Variants in CHD1L observed in about 807,000 individuals in gnomAD.
CHD1L encodes ATP-dependent chromatin remodeler CHD1L.
In CHD1L, 118 loss-of-function variants were observed where a neutral mutation model predicts 115.9. The ratio of observed to expected loss-of-function variants is 1.02; its 90% CI spans 0.88 to 1.19. The LOEUF is 1.19. CHD1L is among the 50% of genes most tolerant of loss of function. The probability of loss-of-function intolerance (pLI) is 0.00; values close to 1 mark genes in which losing one functional copy is unlikely to be tolerated. For synonymous variants in CHD1L, 411 were observed against 387.1 expected (o/e 1.06, Z -0.72); for missense variants, 1,179 against 1,065.3 (o/e 1.11, Z -1.49).
In CHD1L at chr1:147,291,557, G is replaced by T. The variant is rs1553970569; in HGVS notation, c.2391+5G>T. 1 of 1,611,434 alleles carries T rather than the reference G, an allele frequency of 6.2e-7. No individual in the cohort carries two copies. The highest frequency in any genetic ancestry group is 1.1e-5 in the South Asian group (1 of 91,024). On this transcript the variant is annotated splice_donor_5th_base_variant and intron_variant, in intron 20 of 22. Coordinates refer to ENST00000369258, the MANE Select transcript of CHD1L (RefSeq NM_004284.6). ...AGAAACAAAGGGCAAGATTTGGTAA[G>T]TAAAACCCATCTCTTCTCAGAACTA... is the stretch of plus-strand genomic sequence containing the variant.
intron 10 of CHD1L, among the ~76,000 whole-genome samples, chr1:147,269,667 C>CAAAAAAAAAAAA (rs10649680): frequency 1.1e-5 from 1 of 93,270 alleles, no homozygotes; most frequent in African/African-American, 4.4e-5. Flanking sequence ...GGCTCCATCT[C>CAAAAAAAAAAAA]AAAAAAAAAA....
intron 11 of CHD1L, chr1:147,271,259 G>C: frequency 2.8e-6 from 1 of 352,070 alleles, no homozygotes; most frequent in East Asian, 4.3e-5. Flanking sequence ...TATGGGCCGT[G>C]GAGCAAATGT....
At chr1:147,285,512 C>T (rs781785344) in intron 17 of CHD1L, 25 bp downstream of exon 17, 29 of 1,596,242 alleles carry the variant, frequency 1.8e-5, no homozygotes, top group East Asian at 1.1e-4. Context: ...ACCAAGCTGG[C>T]GGCCACAGTT....
At chr1:147,212,408 G>T in the CHD1L span, 7 of 1,613,916 alleles carry the variant, frequency 4.3e-6, no homozygotes, top group Middle Eastern at 1.6e-4. Context: ...TGGCTGTTTG[G>T]CTAATCTCTA....
At chr1:147,241,501 C>G (rs1193304864), upstream of CHD1L, among the ~76,000 whole-genome samples, 1 of 152,164 alleles carries the variant, frequency 6.6e-6, no homozygotes, top group African/African-American at 2.4e-5. Flanking sequence ...TTCGCTGACT[C>G]TTTTCGGACT....
chr1:147,179,305 C>G, the CHD1L span: 32 of 1,607,602 alleles, frequency 2.0e-5, no homozygotes, highest in Non-Finnish European at 2.6e-5. Context: ...TAAAGATGTG[C>G]TGATTGAATT....
At chr1:147,193,595 T>C in the CHD1L span, among the ~76,000 whole-genome samples, 1 of 152,174 alleles carries the variant, frequency 6.6e-6, no homozygotes, top group South Asian at 2.1e-4. Context: ...TTAATTGTGA[T>C]GTTAGGGTGT....
chr1:147,199,827 C>A, the CHD1L span, among the ~76,000 whole-genome samples: 3 of 152,018 alleles, frequency 2.0e-5, no homozygotes, highest in Non-Finnish European at 4.4e-5. Context: ...AACTGTAATA[C>A]CATTGGTTCT....
chr1:147,183,151 T>C, the CHD1L span, among the ~76,000 whole-genome samples: 1 of 152,264 alleles, frequency 6.6e-6, no homozygotes, highest in South Asian at 2.1e-4. Context: ...TGAGCCGAGA[T>C]GGCGTCACTG....
the CHD1L span, chr1:147,190,284 T>C: frequency 1.1e-5 from 14 of 1,272,676 alleles, no homozygotes; most frequent in Non-Finnish European, 1.5e-5. Flanking sequence ...ACTGTAAAAT[T>C]ACCTCAGAAG....
chr1:147,253,207 G>C (rs191696690), intron 2 of CHD1L, among the ~76,000 whole-genome samples: 2 of 152,132 alleles, frequency 1.3e-5, no homozygotes, highest in Non-Finnish European at 2.9e-5. Context: ...TAGAATTGCT[G>C]TTAATTTCTT....
intron 4 of CHD1L, among the ~76,000 whole-genome samples, chr1:147,256,214 C>T (rs1670096095): frequency 6.6e-6 from 1 of 151,916 alleles, no homozygotes; most frequent in South Asian, 2.1e-4. Flanking sequence ...GGCAGGCAGG[C>T]AGGGGAAAGG....
At chr1:147,249,563 G>A (rs1421746520) in intron 1 of CHD1L, among the ~76,000 whole-genome samples, 2 of 151,748 alleles carry the variant, frequency 1.3e-5, no homozygotes, top group Non-Finnish European at 2.9e-5. Flanking sequence ...CCGCCACCAC[G>A]CCCAGCTAAT....
the CHD1L span, chr1:147,225,051 G>T: frequency 4.3e-6 from 7 of 1,614,034 alleles, no homozygotes; most frequent in South Asian, 7.7e-5. Context: ...ATCTTCACCT[G>T]TTAGTGTCGC....
At position 147,252,767 on chromosome 1, in the gene CHD1L, G is replaced by A. The variant is rs375688381; in HGVS notation, c.240+32G>A. On this transcript the variant is annotated intron_variant, in intron 2 of 22. Coordinates refer to ENST00000369258, the MANE Select transcript of CHD1L (RefSeq NM_004284.6). ...TACTATGCGACGAGTACTGCTCACC[G>A]CCACTGCGATACTTCCTTATAACTC... is the stretch of plus-strand genomic sequence containing the variant. 29 of 1,496,982 alleles carry A rather than the reference G, an allele frequency of 1.9e-5. No individual in the cohort carries two copies. In the East Asian group the frequency reaches 3.2e-4, roughly 16 times the overall value. 92.7% of individuals were successfully genotyped at this position (1,496,982 alleles called of 1,614,324 possible).
chr1:147,269,139 G>C (rs1465862384), intron 10 of CHD1L, among the ~76,000 whole-genome samples: 1 of 152,102 alleles, frequency 6.6e-6, no homozygotes, highest in African/African-American at 2.4e-5. Flanking sequence ...GTAATCTGCT[G>C]TCTGATTAAC....
intron 1 of CHD1L, among the ~76,000 whole-genome samples, chr1:147,247,002 A>G (rs1269821382): frequency 3.3e-5 from 5 of 152,074 alleles, no homozygotes; most frequent in Non-Finnish European, 7.4e-5. Flanking sequence ...TTGTTGCACA[A>G]ATTTTGATAT....
At chr1:147,291,958 G>T (rs1257198606) in intron 20 of CHD1L, among the ~76,000 whole-genome samples, 1 of 151,946 alleles carries the variant, frequency 6.6e-6, no homozygotes, top group East Asian at 1.9e-4. Context: ...CAGTAAACAT[G>T]AGGTACGGGG....
At chr1:147,190,100 T>A in the CHD1L span, 1 of 997,788 alleles carries the variant, frequency 1.0e-6, no homozygotes, top group South Asian at 1.5e-5. Flanking sequence ...ATGAGGCAGT[T>A]AAATACAGTA....
Sources: gnomAD v4.1 joint callset for allele counts (sites outside exome capture counted in the v4.1 genomes callset) on GRCh38, gnomAD v4.1.1 for gene constraint, MANE v1.5 for transcripts, NCBI Gene and HGNC (gene_info 2026-07-23, HGNC 2026-07-21) for gene names.